The following SIK3 variants were observed in gnomAD, a reference collection of about 807,000 sequenced individuals.
SIK3 encodes SIK family kinase 3.
A neutral mutation model predicts 144.2 loss-of-function variants in SIK3; 28 were observed. The ratio of observed to expected loss-of-function variants is 0.19; its 90% confidence interval spans 0.14 to 0.27. The LOEUF (loss-of-function observed/expected upper bound fraction) is 0.27, where lower values mean the gene tolerates loss of function less well. Ranked by LOEUF, SIK3 falls within the 10% of genes least tolerant of loss-of-function variation. The pLI is 1.00. For missense variants in SIK3, 1,319 were observed against 1,776.0 expected (o/e 0.74, Z 4.62); for synonymous variants, 686 against 676.3 (o/e 1.01, Z -0.22).
At position 116,861,352 on chromosome 11, in the gene SIK3, T is replaced by A. The variant is rs767407831; in HGVS notation, c.2347A>T (p.Asn783Tyr). 6.0e-5 allele frequency: 96 copies of A among 1,595,804 alleles called. No individual in the cohort carries two copies. Among genetic ancestry groups the A allele is most frequent in the Non-Finnish European group, 8.0e-5 (94 of 1,174,220 alleles). The change falls in exon 19 of 25, where the codon AAC becomes TAC. Residue 783 changes from asparagine (N) to tyrosine (Y), a missense_variant. By Grantham distance (143) the Asn-to-Tyr change is moderately radical. Transcript: ENST00000445177. ...CTGAAGAGATGGTTGTTGGGGTGGTTGGGGGGTGGGCTTGAAGGCTGAATC... is the reference window on the plus strand; with the variant it reads ...CTGAAGAGATGGTTGTTGGGGTGGTAGGGGGGTGGGCTTGAAGGCTGAATC... The part of the protein sequence containing the change: ...LRIQPSSPPP[N>Y]HPNNHLFRQP...
intron 1 of SIK3, among the ~76,000 whole-genome samples, chr11:116,970,752 G>C (rs1418448995): frequency 6.6e-6 from 1 of 152,118 alleles, no homozygotes; most frequent in Non-Finnish European, 1.5e-5. Flanking sequence ...CTGGCCTCAA[G>C]AGATCCTCCA....
intron 6 of SIK3, among the ~76,000 whole-genome samples, chr11:116,891,289 C>G (rs1297163567): frequency 1.3e-5 from 2 of 152,132 alleles, no homozygotes. Context: ...TGCACTCCAG[C>G]CTGGGTGACA....
intron 1 of SIK3, among the ~76,000 whole-genome samples, chr11:116,969,827 G>A (rs1949705377): frequency 2.6e-5 from 4 of 152,218 alleles, no homozygotes; most frequent in Admixed American, 2.6e-4. Flanking sequence ...CTGCAGAACA[G>A]TTTGGAAATC....
At chr11:116,979,989 T>C (rs946816489) in intron 1 of SIK3, among the ~76,000 whole-genome samples, 9 of 152,210 alleles carry the variant, frequency 5.9e-5, no homozygotes, top group South Asian at 2.1e-4. Flanking sequence ...TTCCATCTCT[T>C]CTTTCTCTGT....
At chr11:116,956,829 G>C (rs1356753328) in intron 2 of SIK3, 119 bp downstream of exon 2, 1 of 567,788 alleles carries the variant, frequency 1.8e-6, no homozygotes, top group Non-Finnish European at 3.0e-6. Context: ...AAGATAGCAG[G>C]ATTAACATAG....
chr11:116,902,899 A>G (rs966490645), intron 4 of SIK3, among the ~76,000 whole-genome samples: 4 of 151,682 alleles, frequency 2.6e-5, no homozygotes, highest in Non-Finnish European at 5.9e-5. Context: ...GATCTGATCC[A>G]CTCTCCCTTT....
intron 1 of SIK3, among the ~76,000 whole-genome samples, chr11:116,985,447 T>C (rs1318825255): frequency 2.0e-5 from 3 of 152,202 alleles, no homozygotes. Flanking sequence ...GCCTAGAAAT[T>C]AGTTAATCTT....
chr11:116,847,771 C>T (rs1262051509), intron 22 of SIK3, among the ~76,000 whole-genome samples, 163 bp from the exon 23 acceptor site: 6 of 152,296 alleles, frequency 3.9e-5, no homozygotes, highest in African/African-American at 9.6e-5. Flanking sequence ...TGCTCCACAG[C>T]GACAGTGTGG....
intron 1 of SIK3, among the ~76,000 whole-genome samples, chr11:117,023,618 A>AC (rs1565568084): frequency 7.8e-5 from 9 of 115,858 alleles, no homozygotes; most frequent in African/African-American, 4.0e-4. Flanking sequence ...ACAAAAAAAA[A>AC]AAAATATATA....
chr11:116,916,604 G>A (rs12277181), intron 4 of SIK3, among the ~76,000 whole-genome samples: 11,499 of 150,102 alleles, frequency 0.077, 518 homozygotes, highest in African/African-American at 0.12. Flanking sequence ...TTTGCCTCCC[G>A]GGTTCACGCC....
chr11:116,891,682 G>A (rs1341432573), intron 6 of SIK3, among the ~76,000 whole-genome samples: 1 of 152,066 alleles, frequency 6.6e-6, no homozygotes, highest in African/African-American at 2.4e-5. Context: ...GAAAGAGAGA[G>A]AAAATGTACG....
intron 1 of SIK3, among the ~76,000 whole-genome samples, chr11:117,055,346 T>A (rs958460871): frequency 6.6e-6 from 1 of 152,234 alleles, no homozygotes; most frequent in African/African-American, 2.4e-5. Flanking sequence ...ATTTTAAATG[T>A]TTTACACACA....
intron 1 of SIK3, among the ~76,000 whole-genome samples, chr11:116,965,782 T>TATATATATATATAA (rs1321470388): frequency 8.5e-6 from 1 of 117,394 alleles, no homozygotes; most frequent in African/African-American, 3.5e-5. Context: ...TATATATATA[T>TATATATATATATAA]AAATTAGCCA....
At chr11:116,930,529 T>C (rs1054394152) in intron 3 of SIK3, among the ~76,000 whole-genome samples, 10 of 152,230 alleles carry the variant, frequency 6.6e-5, no homozygotes, top group African/African-American at 2.4e-4. Context: ...TTACAAATAC[T>C]GCAGTACTTT....
At chr11:116,946,984 G>A (rs910007786) in intron 3 of SIK3, among the ~76,000 whole-genome samples, 1 of 151,022 alleles carries the variant, frequency 6.6e-6, no homozygotes, top group African/African-American at 2.4e-5. Context: ...GCATAGTGGC[G>A]AGTGCCTGTA....
At chr11:117,038,577 G>A (rs61905712) in intron 1 of SIK3, among the ~76,000 whole-genome samples, 24,585 of 151,550 alleles carry the variant, frequency 0.16, 2,109 homozygotes, top group Admixed American at 0.21. Flanking sequence ...GGCTGGTATC[G>A]AACTCCTGAC....
chr11:116,998,470 T>TA (rs59998385), intron 1 of SIK3, among the ~76,000 whole-genome samples: 4,889 of 136,274 alleles, frequency 0.036, 174 homozygotes, highest in East Asian at 0.2. Flanking sequence ...GACTCCGTCT[T>TA]AAAAAAAAAA....
At chr11:116,968,633 T>C (rs1949650150) in intron 1 of SIK3, among the ~76,000 whole-genome samples, 1 of 152,202 alleles carries the variant, frequency 6.6e-6, no homozygotes, top group African/African-American at 2.4e-5. Context: ...ACAAGATTCT[T>C]TGTGTTTTCC....
intron 4 of SIK3, among the ~76,000 whole-genome samples, chr11:116,919,266 T>C (rs971388638): frequency 6.6e-6 from 1 of 152,122 alleles, no homozygotes; most frequent in South Asian, 2.1e-4. Context: ...GGGTGAAAGG[T>C]CAATTGAGTT....
Sources: allele counts gnomAD v4.1 joint callset (sites outside exome capture counted in the v4.1 genomes callset), GRCh38; gene constraint gnomAD v4.1.1; transcripts MANE v1.5; gene names NCBI Gene and HGNC (gene_info 2026-07-23, HGNC 2026-07-21).